The following CLIC5 variants were observed in gnomAD, a reference collection of about 807,000 sequenced individuals.
The protein encoded by CLIC5 is CLIC family member 5, also known as chloride intracellular channel protein 5.
In CLIC5, 20 loss-of-function variants were observed where a neutral mutation model predicts 24.7. The ratio of observed to expected loss-of-function variants is 0.81; its 90% CI spans 0.57 to 1.18. The LOEUF is 1.18. Among genes scored for constraint, CLIC5 ranks in the 50% most tolerant of loss-of-function variants. CLIC5 has a pLI of 0.00. For missense variants in CLIC5, 341 were observed against 326.1 expected, an observed-to-expected ratio of 1.05 and a Z score of -0.35; for synonymous variants, 159 against 135.6, an observed-to-expected ratio of 1.17 and a Z score of -1.20.
intron 1 of CLIC5, among the ~76,000 whole-genome samples, chr6:46,001,466 A>T (rs991048888): frequency 6.6e-6 from 1 of 152,084 alleles, no homozygotes; most frequent in African/African-American, 2.4e-5. Flanking sequence ...TGCCTTCCTG[A>T]TACCAGGTCC....
intron 4 of CLIC5, among the ~76,000 whole-genome samples, chr6:45,927,545 T>C (rs1228297851): frequency 2.0e-5 from 3 of 152,178 alleles, no homozygotes; most frequent in Non-Finnish European, 4.4e-5. Flanking sequence ...ACAAAACGTA[T>C]CTTGCCTCCC....
chr6:45,966,973 C>T (rs976934316), intron 1 of CLIC5, among the ~76,000 whole-genome samples: 12 of 152,162 alleles, frequency 7.9e-5, no homozygotes, highest in South Asian at 2.1e-4. Flanking sequence ...GTGCTGTGAC[C>T]GGGTACAGAA....
chr6:46,123,662 A>G, the CLIC5 span, among the ~76,000 whole-genome samples: 1 of 152,228 alleles, frequency 6.6e-6, no homozygotes, highest in Non-Finnish European at 1.5e-5. Context: ...TGCAGATGAC[A>G]TGATTGTATA....
At chr6:45,974,981 T>C (rs1765338627) in intron 1 of CLIC5, among the ~76,000 whole-genome samples, 2 of 152,190 alleles carry the variant, frequency 1.3e-5, no homozygotes, top group South Asian at 4.1e-4. Context: ...TTCAGAGCTT[T>C]TTGAATTTCA....
chr6:45,899,213 C>T lies in CLIC5; in HGVS notation c.*3875G>A, dbSNP rs1307008293. On this transcript the variant is annotated 3_prime_UTR_variant, in exon 6 of 6. Coordinates refer to ENST00000339561, the MANE Select transcript of CLIC5 (RefSeq NM_016929.5). Reference sequence around the variant, plus strand: ...GTCCTGTTCGCTTAAGTTTTCCTAACATCAGAATCAGGGTGCTTCACATGC... The same window carrying T: ...GTCCTGTTCGCTTAAGTTTTCCTAATATCAGAATCAGGGTGCTTCACATGC... The T allele has an allele frequency of 1.3e-5, 2 of 152,194 alleles. No homozygotes were observed. Among genetic ancestry groups the T allele is most frequent in the African/African-American group, 2.4e-5 (1 of 41,436 alleles). 9.4% of individuals were successfully genotyped at this position (152,194 alleles called of 1,614,324 possible). A position where few individuals can be genotyped will look rare whatever the true frequency, so the allele number is the denominator to read the frequency against.
chr6:45,987,571 G>T lies in CLIC5; in HGVS notation c.63+27909C>A, dbSNP rs1765786056. ...CTGCCATAACAAAATCCTGTAGATT[G>T]TGTGGCTTAAATAACAACAAAAGAA... On this transcript the variant is annotated intron_variant, in intron 1 of 5. Transcript: ENST00000339561. 2.0e-5 allele frequency among the ~76,000 whole-genome samples: 3 copies of T among 152,318 alleles called. No individual in the cohort carries two copies. The South Asian group carries it at 6.2e-4, about 32-fold the overall frequency.
rs148011142 is a variant in CLIC5 at position 45,940,752 on chromosome 6, C to T, written c.406+795G>A. 8.2e-3 allele frequency among the ~76,000 whole-genome samples: 1,246 copies of T among 152,278 alleles called. 20 individuals are homozygous for T. The highest frequency in any genetic ancestry group is 0.028 in the Admixed American group (429 of 15,294). On this transcript the variant is annotated intron_variant, in intron 4 of 5. Coordinates refer to ENST00000339561, the MANE Select transcript of CLIC5 (RefSeq NM_016929.5). Reference sequence around the variant, plus strand: ...ATTGCCCATAGGATAAAAATCCAAGCCCCCCAGGTTGGCACTGCAGTGGCT... The same window carrying T: ...ATTGCCCATAGGATAAAAATCCAAGTCCCCCAGGTTGGCACTGCAGTGGCT...
rs200022298 is a variant in CLIC5, at chr6:45,955,166, C to G, written c.142G>C (p.Val48Leu). ...LFMILWLKGVVFNVTTVDLKR... is the reference protein window; with the variant it reads ...LFMILWLKGVLFNVTTVDLKR... ...AGATCCACAGTGGTGACATTGAACACGACTCCTTTCAGCCAGAGGATCATG... is the reference window on the plus strand; with the variant it reads ...AGATCCACAGTGGTGACATTGAACAGGACTCCTTTCAGCCAGAGGATCATG... The change falls in exon 2 of 6, where the codon GTG (valine) becomes CTG (leucine). Residue 48 changes from valine to leucine, a missense_variant. Val to Leu is a conservative substitution (Grantham distance 32). Transcript: ENST00000339561. The G allele has an allele frequency of 6.2e-7, 1 of 1,613,822 alleles. No individual in the cohort carries two copies. Among genetic ancestry groups the G allele is most frequent in the Non-Finnish European group, 8.5e-7 (1 of 1,179,772 alleles).
intron 1 of CLIC5, among the ~76,000 whole-genome samples, chr6:45,973,168 C>A (rs978505877): frequency 2.0e-5 from 3 of 152,318 alleles, no homozygotes; most frequent in African/African-American, 7.2e-5. Context: ...CCCCATCCTG[C>A]ACCCCCTGAA....
At chr6:46,080,813 T>G (rs1298833592), upstream of CLIC5, among the ~76,000 whole-genome samples, 2 of 152,216 alleles carry the variant, frequency 1.3e-5, no homozygotes, top group Non-Finnish European at 2.9e-5. Context: ...TCCATTTACA[T>G]TTCTTATCTG....
Position 45,976,342 on chromosome 6 carries a change from T to A in CLIC5, c.64-21098A>T, listed in dbSNP as rs1765383546. Among the ~76,000 whole-genome samples, 7 of 152,312 alleles carry A rather than the reference T, an allele frequency of 4.6e-5. No individual in the cohort carries two copies. In the South Asian group the frequency reaches 1.5e-3, roughly 32 times the overall value. The stretch of plus-strand genomic sequence containing the variant: ...TTGGTAGATTTGTTTTTTGTCTGCT[T>A]GTTTCTTTCTTTGTTAAATGTGTAG... On this transcript the variant is annotated intron_variant, in intron 1 of 5. Transcript: ENST00000339561.
intron 1 of CLIC5, among the ~76,000 whole-genome samples, chr6:46,024,044 G>T (rs1767259397): frequency 6.6e-6 from 1 of 152,122 alleles, no homozygotes; most frequent in Non-Finnish European, 1.5e-5. Flanking sequence ...GCAAGGGTTG[G>T]GGGGAAAGCA....
chr6:45,958,684 A>C (rs907234367), intron 1 of CLIC5, among the ~76,000 whole-genome samples: 2 of 151,642 alleles, frequency 1.3e-5, no homozygotes, highest in African/African-American at 2.4e-5. Context: ...TTCATCTGTT[A>C]TATGCTGGAT....
rs768895948 is a variant in CLIC5 at position 46,080,268 on chromosome 6, A to G, written c.-26T>C. On this transcript the variant is annotated 5_prime_UTR_variant, in exon 1 of 6. Coordinates refer to the CLIC5 transcript ENST00000185206. ...GCTTATTGATCCGAGAGATCTGTTT[A>G]CAGGGAGACCTGAGTAGATCTGAAA... The G allele has an allele frequency of 7.6e-5, 116 of 1,535,420 alleles. No homozygotes were observed. In the Middle Eastern group the frequency reaches 1.0e-3, roughly 13 times the overall value.
intron 4 of CLIC5, among the ~76,000 whole-genome samples, chr6:45,939,490 C>G (rs147688504): frequency 6.6e-6 from 1 of 152,164 alleles, no homozygotes; most frequent in African/African-American, 2.4e-5. Flanking sequence ...CACACCTGGC[C>G]CCTCTCCTAT....
At chr6:45,896,971 G>A (rs1461304993), downstream of CLIC5, among the ~76,000 whole-genome samples, 1 of 152,152 alleles carries the variant, frequency 6.6e-6, no homozygotes, top group East Asian at 1.9e-4. Context: ...TGGGCCACTC[G>A]TGGGGTAAAA....
chr6:45,997,664 T>C (rs2127429913), intron 1 of CLIC5, among the ~76,000 whole-genome samples: 1 of 152,192 alleles, frequency 6.6e-6, no homozygotes, highest in Non-Finnish European at 1.5e-5. Flanking sequence ...ACTCCCAAAA[T>C]ACAAACATAT....
At chr6:46,095,460 A>G in the CLIC5 span, among the ~76,000 whole-genome samples, 3 of 152,232 alleles carry the variant, frequency 2.0e-5, no homozygotes, top group Admixed American at 2.0e-4. Context: ...TGTTAGAAGC[A>G]GCCAGGTCAC....
At chr6:45,950,864 T>C (rs1764447766) in intron 2 of CLIC5, among the ~76,000 whole-genome samples, 1 of 152,132 alleles carries the variant, frequency 6.6e-6, no homozygotes, top group South Asian at 2.1e-4. Context: ...AAAGAAGTTA[T>C]TTTTCTTTAA....
Sources: allele counts gnomAD v4.1 joint callset (sites outside exome capture counted in the v4.1 genomes callset), GRCh38; gene constraint gnomAD v4.1.1; transcripts MANE v1.5; gene names NCBI Gene and HGNC (gene_info 2026-07-23, HGNC 2026-07-21).